HDAC10: variants seen among roughly 807,000 people sequenced by gnomAD.
The protein encoded by HDAC10 is polyamine deacetylase HDAC10.
HDAC10 carries 90 observed loss-of-function variants against 82.3 expected under a neutral mutation model. The ratio of observed to expected loss-of-function variants is 1.09; its 90% CI spans 0.92 to 1.30. The LOEUF (loss-of-function observed/expected upper bound fraction) is 1.30. Among genes scored for constraint, HDAC10 ranks in the 50% most tolerant of loss-of-function variants. The pLI, the probability that HDAC10 is intolerant of heterozygous loss-of-function variation, is 0.00. For missense variants in HDAC10, 934 were observed against 876.3 expected (o/e 1.07, Z -0.83); for synonymous variants, 456 against 391.7 (o/e 1.16, Z -1.94).
chr22:50,246,882 C>A lies in HDAC10; in HGVS notation c.1507G>T (p.Ala503Ser), dbSNP rs545428966. 1 of 1,611,514 alleles carries A rather than the reference C, an allele frequency of 6.2e-7. No homozygotes were observed. The highest frequency in any genetic ancestry group is 8.5e-7 in the Non-Finnish European group (1 of 1,178,802). ...VAVRRGLSHGAQRLLCVALGQ... is the reference protein window; with the variant it reads ...VAVRRGLSHGSQRLLCVALGQ... ...TGGCCAAGTGAGGCTTACCTCTGGG[C>A]TCCGTGGGACAGGCCTCTCCGAACA... Residue 503 changes from alanine to serine, a missense_variant, in exon 15 of 20, where the codon GCC becomes TCC. Ala to Ser is a moderately conservative substitution (Grantham distance 99). Coordinates refer to ENST00000216271, the MANE Select transcript of HDAC10 (RefSeq NM_032019.6).
chr22:50,248,774 T>C lies in HDAC10; in HGVS notation c.817-23A>G, dbSNP rs760672790. 1 of 1,594,228 alleles carries C rather than the reference T, an allele frequency of 6.3e-7. No individual in the cohort carries two copies. The highest frequency in any genetic ancestry group is 8.5e-7 in the Non-Finnish European group (1 of 1,170,610). ...CCCCTGGAACCAGAGCCATGTGTGATGGGGGACCTGGGCCCCAGGACCCCA... is the reference window on the plus strand; with the variant it reads ...CCCCTGGAACCAGAGCCATGTGTGACGGGGGACCTGGGCCCCAGGACCCCA... On this transcript the variant is annotated intron_variant, in intron 9 of 19. Transcript: ENST00000216271. This position sits in a 1 kb window ranked among gnomAD's most constrained non-coding sequence, Gnocchi z 5.4.
intron 14 of HDAC10, 171 bp from the exon 15 acceptor site, chr22:50,247,137 A>ATT (rs35992238): frequency 0.025 from 9,444 of 376,868 alleles, no homozygotes; most frequent in Middle Eastern, 0.039. Flanking sequence ...TACGTCTATA[A>ATT]TTTTTTTTTT....
At position 50,245,354 on chromosome 22, in the gene HDAC10, G is replaced by T. The variant is rs2064913638; in HGVS notation, c.*153C>A. On this transcript the variant is annotated 3_prime_UTR_variant, in exon 20 of 20. Transcript: ENST00000216271. ...GTGAGGGGTGGAGCGGGGGAAGCAC[G>T]GGTGGGAGAGGGCGGGGCGCGGGGA... The T allele has an allele frequency of 8.1e-5, 53 of 654,566 alleles. No individual in the cohort carries two copies. In the South Asian group the frequency reaches 8.6e-4, roughly 11 times the overall value. 40.5% of individuals were successfully genotyped at this position (654,566 alleles called of 1,614,324 possible).
Position 50,250,784 on chromosome 22 carries a change from C to T in HDAC10, c.181G>A (p.Gly61Ser), listed in dbSNP as rs947893289. The T allele has an allele frequency of 6.2e-7, 1 of 1,600,500 alleles. No individual in the cohort carries two copies. The highest frequency in any genetic ancestry group is 2.3e-4 in the Middle Eastern group (1 of 4,422). Residue 61 changes from glycine (G) to serine (S), a missense_variant, in exon 2 of 20, where the codon GGC becomes AGC. Transcript: ENST00000216271. Reference sequence around the variant, plus strand: ...CCCCGTCCTGACCTGTGCACCAGGCCCAGCTCCTCTTCCGAGGCCTCGCGG... The same window carrying T: ...CCCCGTCCTGACCTGTGCACCAGGCTCAGCTCCTCTTCCGAGGCCTCGCGG... ...SAREASEEEL[G>S]LVHSPEYVSL...
In HDAC10 at chr22:50,249,256, G is replaced by A. The variant is rs1335878370; in HGVS notation, c.690+72C>T. 2.2e-6 allele frequency: 3 copies of A among 1,353,292 alleles called. No homozygotes were observed. Among genetic ancestry groups the A allele is most frequent in the Admixed American group, 2.1e-5 (1 of 47,496 alleles). The allele number at this position is 1,353,292 out of a possible 1,614,324, so 83.8% of individuals were successfully genotyped here. ...GTGGGTGGGGACCTGGGGCTTGAGG[G>A]TGAACTGTGGGGGAGGGGAGGGGCC... On this transcript the variant is annotated intron_variant, in intron 7 of 19. Transcript: ENST00000216271. The surrounding 1 kb of genome is among the most constrained non-coding windows in gnomAD (Gnocchi z 4.4).
In HDAC10 at chr22:50,247,970, C is replaced by T. The variant is rs139052020; in HGVS notation, c.1257G>A (p.Pro419=). The stretch of plus-strand genomic sequence containing the variant: ...CAGGGGGCAGAACCAATGTGATATC[C>T]GGCGTTGTCAGGGCAACAGCGGTGC... The part of the protein sequence containing the change: ...SVRTAVALTT[P]DITLVLPPDV... Residue 419 remains proline (P), a synonymous_variant, in exon 13 of 20, where the codon CCG becomes CCA. Transcript: ENST00000216271. 5.8e-5 allele frequency: 93 copies of T among 1,612,882 alleles called. No individual in the cohort carries two copies. Among genetic ancestry groups the T allele is most frequent in the African/African-American group, 2.3e-4 (17 of 75,042 alleles).
At position 50,249,768 on chromosome 22, in the gene HDAC10, A is replaced by G. The variant is rs1020514775; in HGVS notation, c.495-65T>C. Reference sequence around the variant, plus strand: ...CCCACCTCCAGGAGCCCGGCCAGGGATGGGAAGGTGCTGGCTGGGTTCTCT... The same window carrying G: ...CCCACCTCCAGGAGCCCGGCCAGGGGTGGGAAGGTGCTGGCTGGGTTCTCT... On this transcript the variant is annotated intron_variant, in intron 5 of 19. Coordinates refer to ENST00000216271, the MANE Select transcript of HDAC10 (RefSeq NM_032019.6). This position sits in a 1 kb window ranked among gnomAD's most constrained non-coding sequence, Gnocchi z 4.4. 97 of 1,607,452 alleles carry G rather than the reference A, an allele frequency of 6.0e-5. 1 individual carries two copies. The African/African-American group carries it at 1.3e-3, about 21-fold the overall frequency.
rs1393318634 is a variant in HDAC10 at position 50,248,305 on chromosome 22, CACA to C, written c.1014-16_1014-14del. 1 of 1,612,238 alleles carries C rather than the reference CACA, an allele frequency of 6.2e-7. No individual in the cohort carries two copies. The highest frequency in any genetic ancestry group is 1.7e-5 in the Admixed American group (1 of 59,984). ...GGACTCTAGGGCACTGTGAGGGAGA[CACA>C]ACAGTCGTGACACCTGGTCTCACAC... On this transcript the variant is annotated splice_polypyrimidine_tract_variant and intron_variant, in intron 11 of 19. Coordinates refer to ENST00000216271, the MANE Select transcript of HDAC10 (RefSeq NM_032019.6). This position sits in a 1 kb window ranked among gnomAD's most constrained non-coding sequence, Gnocchi z 5.4.
At chr22:50,246,842 G>A (rs762934122) in intron 15 of HDAC10, 33 bp downstream of exon 15, 19 of 1,596,156 alleles carry the variant, frequency 1.2e-5, no homozygotes, top group South Asian at 5.5e-5. Flanking sequence ...AGGTCCTGCC[G>A]TCAGAGGCTC....
rs897996103 is a variant in HDAC10 at position 50,246,288 on chromosome 22, G to A, written c.1650+10C>T. The A allele has an allele frequency of 6.2e-7, 1 of 1,610,682 alleles. No individual in the cohort carries two copies. Among genetic ancestry groups the A allele is most frequent in the East Asian group, 2.2e-5 (1 of 44,872 alleles). Reference sequence around the variant, plus strand: ...CAGCACCTGCCTTGCCGCGTGGCATGGTCACTCACCACTGGCAGTGGCGTG... The same window carrying A: ...CAGCACCTGCCTTGCCGCGTGGCATAGTCACTCACCACTGGCAGTGGCGTG... On this transcript the variant is annotated intron_variant, in intron 17 of 19. Transcript: ENST00000216271.
In HDAC10 at chr22:50,250,417, G is replaced by A; in HGVS notation, c.291+10C>T. 1.2e-6 allele frequency: 2 copies of A among 1,610,928 alleles called. No individual in the cohort carries two copies. Among genetic ancestry groups the A allele is most frequent in the Non-Finnish European group, 1.7e-6 (2 of 1,178,118 alleles). On this transcript the variant is annotated intron_variant, in intron 3 of 19. Coordinates refer to ENST00000216271, the MANE Select transcript of HDAC10 (RefSeq NM_032019.6). ...TGTCTGCACAGGTGAGTGTGTCCGGGGACACGCACCGGGTGGAAGTAGATG... is the reference window on the plus strand; with the variant it reads ...TGTCTGCACAGGTGAGTGTGTCCGGAGACACGCACCGGGTGGAAGTAGATG...
In HDAC10 at chr22:50,249,900, T is replaced by C; in HGVS notation, c.454A>G (p.Ile152Val). ...TTCTGCTTGGCATGTGCAGCTGCTA[T>C]GGCCACGTTGTTGAACACACAGAAC... ...NGFCVFNNVA[I>V]AAAHAKQKHG... The change falls in exon 5 of 20, where the codon ATA becomes GTA. Residue 152 changes from isoleucine (I) to valine (V), a missense_variant. Coordinates refer to ENST00000216271, the MANE Select transcript of HDAC10 (RefSeq NM_032019.6). This position sits in a 1 kb window ranked among gnomAD's most constrained non-coding sequence, Gnocchi z 4.4. 6.2e-7 allele frequency: 1 copy of C among 1,612,784 alleles called. No individual in the cohort carries two copies. The highest frequency in any genetic ancestry group is 2.2e-5 in the East Asian group (1 of 44,846).
intron 2 of HDAC10, 91 bp downstream of exon 2, chr22:50,250,680 G>A: frequency 7.1e-7 from 1 of 1,401,570 alleles, no homozygotes; most frequent in East Asian, 2.5e-5. Flanking sequence ...CTGTATTCGA[G>A]GCTGGCAGGC....
At position 50,246,681 on chromosome 22, in the gene HDAC10, G is replaced by A. The variant is rs148757264; in HGVS notation, c.1569C>T (p.Asp523=). The part of the protein sequence containing the change: ...QLDRPPDLAH[D]GRSLWLNIRG... ...TATGCAAGACCTGAGAGTCCTACCCGTCATGGGCGAGGTCTGGAGGCCGGT... is the reference window on the plus strand; with the variant it reads ...TATGCAAGACCTGAGAGTCCTACCCATCATGGGCGAGGTCTGGAGGCCGGT... Residue 523 remains aspartate (D), a splice_region_variant and synonymous_variant, in exon 16 of 20, where the codon GAC becomes GAT. Coordinates refer to ENST00000216271, the MANE Select transcript of HDAC10 (RefSeq NM_032019.6). The A allele has an allele frequency of 1.4e-4, 218 of 1,611,336 alleles. No individual in the cohort carries two copies. The African/African-American group carries it at 1.7e-3, about 13-fold the overall frequency.
In HDAC10 at chr22:50,246,320, T is replaced by C; in HGVS notation, c.1628A>G (p.His543Arg). The change falls in exon 17 of 20, where the codon CAT (histidine) becomes CGT (arginine). Residue 543 changes from histidine to arginine, a missense_variant. His to Arg is a conservative substitution (Grantham distance 29, BLOSUM62 0). Transcript: ENST00000216271. ...GKEAAALSMF[H>R]VSTPLPVMTG... ...CACCACTGGCAGTGGCGTGGAGACA[T>C]GGAACATGGATAGGGCAGCCGCCTC... 1.2e-6 allele frequency: 2 copies of C among 1,613,002 alleles called. No homozygotes were observed. Among genetic ancestry groups the C allele is most frequent in the Non-Finnish European group, 1.7e-6 (2 of 1,179,856 alleles).
Position 50,248,605 on chromosome 22 carries a change from C to A in HDAC10, c.906+57G>T, listed in dbSNP as rs1182940135. ...ACCCCGTGGGCACCTGGCTCCCATGCTCCTGACCCCCAGGCCTCTGGCCCA... is the reference window on the plus strand; with the variant it reads ...ACCCCGTGGGCACCTGGCTCCCATGATCCTGACCCCCAGGCCTCTGGCCCA... On this transcript the variant is annotated intron_variant, in intron 10 of 19. Transcript: ENST00000216271. This position sits in a 1 kb window ranked among gnomAD's most constrained non-coding sequence, Gnocchi z 5.4. The A allele has an allele frequency of 2.0e-6, 3 of 1,475,500 alleles. No homozygotes were observed. The highest frequency in any genetic ancestry group is 1.3e-5 in the South Asian group (1 of 74,584). The allele number at this position is 1,475,500 out of a possible 1,614,324, so 91.4% of individuals were successfully genotyped here. A position where few individuals can be genotyped will look rare whatever the true frequency, so the allele number is the denominator to read the frequency against.
chr22:50,247,036 T>C, intron 14 of HDAC10, 70 bp from the exon 15 acceptor site: 1 of 914,932 alleles, frequency 1.1e-6, no homozygotes, highest in Non-Finnish European at 1.7e-6. Context: ...AGATCCACAG[T>C]TCCCTTCATT....
At position 50,250,845 on chromosome 22, in the gene HDAC10, C is replaced by A; in HGVS notation, c.120G>T (p.Gln40His). ...GCAGACACCTCTGTTCCAGGCCGCG[C>A]TGCCGCAGGCGATCCAGGGCTGCGG... Reference protein sequence around the residue: ...RLTAALDRLRQRGLEQRCLRL... With the variant: ...RLTAALDRLRHRGLEQRCLRL... The change falls in exon 2 of 20, where the codon CAG (glutamine) becomes CAT (histidine). Residue 40 changes from glutamine to histidine, a missense_variant. Gln to His is a conservative substitution (Grantham distance 24, BLOSUM62 0). Coordinates refer to ENST00000216271, the MANE Select transcript of HDAC10 (RefSeq NM_032019.6). The A allele has an allele frequency of 6.2e-7, 1 of 1,602,410 alleles. No homozygotes were observed. Among genetic ancestry groups the A allele is most frequent in the Non-Finnish European group, 8.5e-7 (1 of 1,175,708 alleles).
rs2065021762 is a variant in HDAC10, at chr22:50,249,035, C to G, written c.756+68G>C. 3 of 1,466,382 alleles carry G rather than the reference C, an allele frequency of 2.0e-6. No homozygotes were observed. In the African/African-American group the frequency reaches 4.2e-5, roughly 20 times the overall value. 90.8% of individuals were successfully genotyped at this position (1,466,382 alleles called of 1,614,324 possible). ...GCTCATAACCCTCCTCCTGCCTTCACTGGCGCACTCCAGGCACAAGGTCCC... is the reference window on the plus strand; with the variant it reads ...GCTCATAACCCTCCTCCTGCCTTCAGTGGCGCACTCCAGGCACAAGGTCCC... On this transcript the variant is annotated intron_variant, in intron 8 of 19. Transcript: ENST00000216271. The surrounding 1 kb of genome is among the most constrained non-coding windows in gnomAD (Gnocchi z 4.4).
Sources: allele counts gnomAD v4.1 joint callset, GRCh38; gene constraint gnomAD v4.1.1; non-coding constraint Gnocchi (gnomAD v3.1); transcripts MANE v1.5; gene names NCBI Gene and HGNC (gene_info 2026-07-23, HGNC 2026-07-21).